JAZF1: variants seen among roughly 807,000 people sequenced by gnomAD.
JAZF1 encodes juxtaposed with another zinc finger protein 1.
In JAZF1, 8 loss-of-function variants were observed where a neutral mutation model predicts 26.4. That is an observed-to-expected ratio of 0.30 (90% CI 0.18 to 0.55). The LOEUF is 0.55. Among genes scored for constraint, JAZF1 ranks in the 20% least tolerant of loss-of-function variants. The pLI is 0.94. For synonymous variants in JAZF1, 126 were observed against 122.3 expected (o/e 1.03, Z -0.20); for missense variants, 199 against 322.0 (o/e 0.62, Z 2.92).
intron 2 of JAZF1, among the ~76,000 whole-genome samples, chr7:27,916,930 T>A (rs1464129236): frequency 6.6e-6 from 1 of 152,186 alleles, no homozygotes; most frequent in Admixed American, 6.5e-5. Flanking sequence ...TACAAACACC[T>A]AATCCACAGA....
intron 1 of JAZF1, among the ~76,000 whole-genome samples, chr7:28,021,524 AG>A (rs1465178346): frequency 1.3e-5 from 2 of 152,298 alleles, no homozygotes; most frequent in African/African-American, 4.8e-5. Flanking sequence ...TAACAGCTGG[AG>A]GAGCAGCAGG....
intron 2 of JAZF1, among the ~76,000 whole-genome samples, chr7:27,974,778 G>C (rs1342303680): frequency 6.6e-6 from 1 of 152,142 alleles, no homozygotes; most frequent in East Asian, 1.9e-4. Flanking sequence ...GAATACCTGA[G>C]ACTGGGTAAT....
intron 2 of JAZF1, among the ~76,000 whole-genome samples, chr7:27,919,060 G>GA (rs916394473): frequency 6.6e-5 from 10 of 152,188 alleles, no homozygotes; most frequent in African/African-American, 2.4e-4. Flanking sequence ...GAGGCTGACT[G>GA]AAGGTCCCTT....
intron 1 of JAZF1, among the ~76,000 whole-genome samples, chr7:28,106,815 A>G (rs1420643704): frequency 6.6e-6 from 1 of 152,206 alleles, no homozygotes; most frequent in Non-Finnish European, 1.5e-5. Flanking sequence ...TGTACTATAT[A>G]TATAAGCAAG....
chr7:27,959,948 G>A (rs1785162346), intron 2 of JAZF1, among the ~76,000 whole-genome samples: 1 of 151,750 alleles, frequency 6.6e-6, no homozygotes, highest in Non-Finnish European at 1.5e-5. Flanking sequence ...TTGTGGAAGT[G>A]CATGATACTC....
chr7:27,929,549 C>T lies in JAZF1; in HGVS notation c.189-34133G>A, dbSNP rs192762337. Among the ~76,000 whole-genome samples the T allele has an allele frequency of 3.9e-5, 6 of 152,330 alleles. No homozygotes were observed. In the East Asian group the frequency reaches 1.2e-3, roughly 29 times the overall value. On this transcript the variant is annotated intron_variant, in intron 2 of 4. Coordinates refer to ENST00000283928, the MANE Select transcript of JAZF1 (RefSeq NM_175061.4). ...AGTTACAAGCACTTTAGCTTATTGA[C>T]TGTAAGCAGAAGTTTGTAGGTAGAA...
intron 1 of JAZF1, among the ~76,000 whole-genome samples, chr7:28,158,168 A>AACACACAC (rs759047365): frequency 1.4e-4 from 20 of 142,470 alleles, no homozygotes; most frequent in South Asian, 2.3e-4. Flanking sequence ...CACACACACA[A>AACACACAC]ACACACACAC....
intron 1 of JAZF1, among the ~76,000 whole-genome samples, chr7:28,110,514 GAAAAGGAAAAGGA>G (rs1282959962): frequency 1.5e-5 from 1 of 65,968 alleles, no homozygotes; most frequent in East Asian, 8.9e-4. Flanking sequence ...AAAAGGAAAG[GAAAAGGAAAAGGA>G]AAAGGAAAGG....
chr7:28,033,070 T>C (rs1464400687), intron 1 of JAZF1, among the ~76,000 whole-genome samples: 1 of 152,170 alleles, frequency 6.6e-6, no homozygotes, highest in Non-Finnish European at 1.5e-5. Context: ...AAAGGACCTA[T>C]GTAAGTATGG....
intron 1 of JAZF1, among the ~76,000 whole-genome samples, chr7:28,049,068 CCTTCCTCT>C (rs1365650695): frequency 1.1e-4 from 13 of 119,850 alleles, no homozygotes; most frequent in Non-Finnish European, 1.8e-4. Flanking sequence ...CCCCTCCCTC[CCTTCCTCT>C]CTCTCTCTCT....
chr7:27,965,197 CCA>C (rs1785253270), intron 2 of JAZF1, among the ~76,000 whole-genome samples: 1 of 152,118 alleles, frequency 6.6e-6, no homozygotes, highest in African/African-American at 2.4e-5. Flanking sequence ...CTTACTTTTT[CCA>C]GTCATTGTAC....
chr7:28,107,414 T>C, intron 1 of JAZF1, among the ~76,000 whole-genome samples: 1 of 152,230 alleles, frequency 6.6e-6, no homozygotes, highest in South Asian at 2.1e-4. Flanking sequence ...TTTGGGGCGC[T>C]GAGAATGTTC....
intron 2 of JAZF1, among the ~76,000 whole-genome samples, chr7:27,959,714 A>C (rs553375677): frequency 6.6e-6 from 1 of 151,980 alleles, no homozygotes; most frequent in African/African-American, 2.4e-5. Context: ...AGCCTGACCA[A>C]CATGGCGAAA....
chr7:28,038,272 G>C (rs1388559722), intron 1 of JAZF1, among the ~76,000 whole-genome samples: 1 of 152,138 alleles, frequency 6.6e-6, no homozygotes, highest in African/African-American at 2.4e-5. Context: ...ACTTTGGGAT[G>C]GGGGAATGAT....
intron 2 of JAZF1, among the ~76,000 whole-genome samples, chr7:27,904,714 A>T (rs1784221571): frequency 6.7e-6 from 1 of 148,578 alleles, no homozygotes; most frequent in African/African-American, 2.5e-5. Context: ...TCTAATGAAA[A>T]ATAATAAAAC....
At chr7:28,017,477 T>C (rs1265242250) in intron 1 of JAZF1, among the ~76,000 whole-genome samples, 1 of 152,186 alleles carries the variant, frequency 6.6e-6, no homozygotes, top group Non-Finnish European at 1.5e-5. Flanking sequence ...TTGTACATAC[T>C]GTCGCCGTTC....
At chr7:28,012,053 T>A (rs1035928063) in intron 1 of JAZF1, among the ~76,000 whole-genome samples, 18 of 152,120 alleles carry the variant, frequency 1.2e-4, no homozygotes, top group African/African-American at 2.7e-4. Flanking sequence ...AGGGAAAAAA[T>A]TTTTTTATTG....
At chr7:27,907,271 A>G (rs1425764607) in intron 2 of JAZF1, among the ~76,000 whole-genome samples, 1 of 152,214 alleles carries the variant, frequency 6.6e-6, no homozygotes, top group African/African-American at 2.4e-5. Flanking sequence ...ATCTCATTGG[A>G]TAAATGCATG....
At chr7:28,049,014 T>TCCCC (rs1783544344) in intron 1 of JAZF1, among the ~76,000 whole-genome samples, 7 of 67,194 alleles carry the variant, frequency 1.0e-4, no homozygotes, top group African/African-American at 1.8e-4. Flanking sequence ...CCTTCCTCCC[T>TCCCC]CCCTCCCTTC....
Sources: allele counts gnomAD v4.1 joint callset (sites outside exome capture counted in the v4.1 genomes callset), GRCh38; gene constraint gnomAD v4.1.1; transcripts MANE v1.5; gene names NCBI Gene and HGNC (gene_info 2026-07-23, HGNC 2026-07-21).